The following SETDB2 variants were observed in gnomAD, a reference collection of about 807,000 sequenced individuals.
SETDB2 encodes histone-lysine N-methyltransferase SETDB2.
A neutral mutation model predicts 82.5 loss-of-function variants in SETDB2; 56 were observed. The observed-to-expected ratio is 0.68, with a 90% CI of 0.55 to 0.85. SETDB2 has a LOEUF of 0.85. Among genes scored for constraint, SETDB2 ranks in the 40% least tolerant of loss-of-function variants. The probability of loss-of-function intolerance (pLI) is 0.00; values close to 1 mark genes in which losing one functional copy is unlikely to be tolerated. For missense variants in SETDB2, 677 were observed against 816.4 expected (o/e 0.83, Z 2.08); for synonymous variants, 272 against 284.9 (o/e 0.95, Z 0.46).
At chr13:49,471,966 T>C (rs1483710530) in intron 5 of SETDB2, among the ~76,000 whole-genome samples, 1 of 145,398 alleles carries the variant, frequency 6.9e-6, no homozygotes, top group Non-Finnish European at 1.5e-5. Context: ...AGACAGGGTC[T>C]AGTCATGTTG....
intron 4 of SETDB2, among the ~76,000 whole-genome samples, chr13:49,463,636 G>A (rs938851290): frequency 6.6e-6 from 1 of 152,170 alleles, no homozygotes; most frequent in Non-Finnish European, 1.5e-5. Flanking sequence ...TTTTTCTCTA[G>A]TGCCTAGCAC....
At chr13:49,489,603 T>TTTC (rs1263491256) in intron 12 of SETDB2, among the ~76,000 whole-genome samples, 4 of 142,474 alleles carry the variant, frequency 2.8e-5, no homozygotes, top group African/African-American at 1.0e-4. Flanking sequence ...ATTCTTTTTT[T>TTTC]TTTTTTTTTT....
intron 4 of SETDB2, among the ~76,000 whole-genome samples, chr13:49,465,970 C>T (rs908955100): frequency 1.6e-4 from 25 of 152,106 alleles, no homozygotes; most frequent in African/African-American, 5.6e-4. Flanking sequence ...ATAGGCAAAA[C>T]AGAGGTGTTG....
rs941959704 is a variant in SETDB2 at position 49,476,868 on chromosome 13, A to G, written c.698A>G (p.Asp233Gly). Residue 233 changes from aspartate (D) to glycine (G), a missense_variant, in exon 6 of 14, where the codon GAT becomes GGT. Asp to Gly is a moderately conservative substitution (Grantham distance 94). Transcript: ENST00000611815. ...PKQKEVVSDV[D>G]ISNGVESVPI... ...CAAAAAGAAGTTGTTTCTGATGTGGATATTAGCAATGGAGTGGAATCAGTG... is the reference window on the plus strand; with the variant it reads ...CAAAAAGAAGTTGTTTCTGATGTGGGTATTAGCAATGGAGTGGAATCAGTG... 2.5e-6 allele frequency: 4 copies of G among 1,614,086 alleles called. No individual in the cohort carries two copies. The African/African-American group carries it at 4.0e-5, about 16-fold the overall frequency.
intron 5 of SETDB2, 91 bp downstream of exon 5, chr13:49,468,051 A>G: frequency 1.2e-6 from 1 of 863,760 alleles, no homozygotes; most frequent in Non-Finnish European, 1.6e-6. Context: ...TGAAATATAC[A>G]AAAAAATTTT....
rs1203305586 is a variant in SETDB2 at position 49,491,926 on chromosome 13, A to G, written c.*77A>G. On this transcript the variant is annotated 3_prime_UTR_variant, in exon 14 of 14. Coordinates refer to ENST00000611815, the MANE Select transcript of SETDB2 (RefSeq NM_001160308.3). ...GCCATGCAAAAGAAGGTCTAGGTCC[A>G]TCAAGGAAATTCCCCTCCGTTTTCC... 4 of 968,646 alleles carry G rather than the reference A, an allele frequency of 4.1e-6. No homozygotes were observed. Among genetic ancestry groups the G allele is most frequent in the Non-Finnish European group, 6.7e-6 (4 of 598,144 alleles). 60.0% of individuals were successfully genotyped at this position (968,646 alleles called of 1,614,324 possible). A position where few individuals can be genotyped will look rare whatever the true frequency, so the allele number is the denominator to read the frequency against.
rs34354093 is a variant in SETDB2, at chr13:49,457,435, CTT to C, written c.17-2655_17-2654del. 1.6e-3 allele frequency among the ~76,000 whole-genome samples: 152 copies of C among 97,960 alleles called. 2 individuals carry two copies. Among genetic ancestry groups the C allele is most frequent in the African/African-American group, 2.6e-3 (64 of 24,310 alleles). The allele number at this position is 97,960 out of a possible 152,430, so 64.3% of individuals were successfully genotyped here. ...GTAGCATGTATTGGCATTTCTAAGA[CTT>C]TTTTTTTTTTTTTTTTGAAAGAGTC... On this transcript the variant is annotated intron_variant, in intron 2 of 13. Coordinates refer to ENST00000611815, the MANE Select transcript of SETDB2 (RefSeq NM_001160308.3).
chr13:49,459,837 G>A, intron 2 of SETDB2: 1 of 290,728 alleles, frequency 3.4e-6, no homozygotes, highest in Non-Finnish European at 6.4e-6. Flanking sequence ...CTCCAGTGAA[G>A]TCTTCCTTCT....
chr13:49,491,840 A>G lies in SETDB2; in HGVS notation c.2115A>G (p.Lys705=). ...CQCGVNKCRK[K]IL Reference sequence around the variant, plus strand: ...GTGGGGTTAATAAATGTAGAAAAAAAATATTATAAATATGTAACTAACGCC... The same window carrying G: ...GTGGGGTTAATAAATGTAGAAAAAAGATATTATAAATATGTAACTAACGCC... The change falls in exon 14 of 14, where the codon AAA becomes AAG. Residue 705 remains lysine, a synonymous_variant. Coordinates refer to ENST00000611815, the MANE Select transcript of SETDB2 (RefSeq NM_001160308.3). The G allele has an allele frequency of 5.0e-6, 8 of 1,591,390 alleles. No individual in the cohort carries two copies. Among genetic ancestry groups the G allele is most frequent in the Non-Finnish European group, 6.9e-6 (8 of 1,159,914 alleles).
intron 10 of SETDB2, 148 bp downstream of exon 10, chr13:49,483,711 C>A: frequency 2.3e-6 from 1 of 440,044 alleles, no homozygotes. Context: ...TCACTGCAGC[C>A]ACAATCTCCT....
intron 10 of SETDB2, among the ~76,000 whole-genome samples, chr13:49,483,935 AG>A (rs1958538057): frequency 6.6e-6 from 1 of 152,072 alleles, no homozygotes; most frequent in Admixed American, 6.5e-5. Flanking sequence ...GGCCCTTCTG[AG>A]ATGTAAACTA....
chr13:49,464,111 G>A, intron 4 of SETDB2: 1 of 766,138 alleles, frequency 1.3e-6, no homozygotes, highest in South Asian at 1.4e-5. Flanking sequence ...AGGAGCAGAG[G>A]GGCACTTCTG....
intron 10 of SETDB2, 121 bp from the exon 11 acceptor site, chr13:49,485,509 G>T: frequency 1.4e-6 from 1 of 724,130 alleles, no homozygotes; most frequent in Non-Finnish European, 2.3e-6. Flanking sequence ...CAGCTTTGAG[G>T]CTTTTCAAAA....
chr13:49,475,939 C>G (rs1958349146), intron 5 of SETDB2, among the ~76,000 whole-genome samples: 1 of 152,008 alleles, frequency 6.6e-6, no homozygotes, highest in African/African-American at 2.4e-5. Context: ...ATAAAGGATT[C>G]TTGATGAATT....
intron 1 of SETDB2, chr13:49,446,487 A>G: frequency 2.3e-6 from 1 of 430,626 alleles, no homozygotes; most frequent in Non-Finnish European, 4.6e-6. Context: ...ACACCTTTTA[A>G]TACTGTTACA....
At chr13:49,452,818 GT>G (rs551749336) in intron 2 of SETDB2, among the ~76,000 whole-genome samples, 139 of 152,272 alleles carry the variant, frequency 9.1e-4, no homozygotes, top group African/African-American at 3.3e-3. Context: ...GGAGCGATGG[GT>G]TTTGGGGAGT....
rs1449420146 is a variant in SETDB2, at chr13:49,492,976, A to G, written c.*1127A>G. ...CTCTCTCAAAAAAAACAGCACACAC[A>G]CACACACACGAAAACAATTCTGAAC... On this transcript the variant is annotated 3_prime_UTR_variant, in exon 14 of 14. Transcript: ENST00000611815. 1 of 152,006 alleles carries G rather than the reference A, an allele frequency of 6.6e-6. No individual in the cohort carries two copies. The allele number at this position is 152,006 out of a possible 1,614,324, so 9.4% of individuals were successfully genotyped here. A position where few individuals can be genotyped will look rare whatever the true frequency, so the allele number is the denominator to read the frequency against.
chr13:49,483,430 T>C (rs1484598684), intron 9 of SETDB2, 34 bp from the exon 10 acceptor site: 1 of 822,038 alleles, frequency 1.2e-6, no homozygotes, highest in Non-Finnish European at 1.9e-6. Flanking sequence ...AGAGAATTTT[T>C]AGTGATACAG....
chr13:49,476,332 TGGCTGTA>T (rs1375620520), intron 5 of SETDB2, 137 bp from the exon 6 acceptor site: 4 of 641,548 alleles, frequency 6.2e-6, no homozygotes, highest in African/African-American at 3.7e-5. Context: ...AATCTTTGTA[TGGCTGTA>T]GAACATCTTA....
Sources: allele counts gnomAD v4.1 joint callset (sites outside exome capture counted in the v4.1 genomes callset), GRCh38; gene constraint gnomAD v4.1.1; transcripts MANE v1.5; gene names NCBI Gene and HGNC (gene_info 2026-07-23, HGNC 2026-07-21).